The following CDH12 variants were observed in gnomAD, a reference collection of about 807,000 sequenced individuals.
The protein encoded by CDH12 is cadherin 12.
A neutral mutation model predicts 74.1 loss-of-function variants in CDH12; 41 were observed. That is an observed-to-expected ratio of 0.55 (90% CI 0.43 to 0.72). The LOEUF is 0.72. Among genes scored for constraint, CDH12 ranks in the 30% least tolerant of loss-of-function variants. The pLI is 0.00. For missense variants in CDH12, 945 were observed against 977.2 expected, an observed-to-expected ratio of 0.97 and a Z score of 0.44; for synonymous variants, 399 against 355.0, an observed-to-expected ratio of 1.12 and a Z score of -1.39.
intron 7 of CDH12, among the ~76,000 whole-genome samples, chr5:21,846,064 T>C (rs1438063232): frequency 6.6e-6 from 1 of 152,108 alleles, no homozygotes; most frequent in Non-Finnish European, 1.5e-5. Context: ...AGTAAAGAAC[T>C]AGGCAACGTG....
rs28374906 is a variant in CDH12, at chr5:21,808,723, C to A, written c.1003-6303G>T. Among the ~76,000 whole-genome samples the A allele has an allele frequency of 6.9e-3, 1,050 of 152,066 alleles. 10 individuals carry two copies. The highest frequency in any genetic ancestry group is 0.022 in the African/African-American group (914 of 41,492). Reference sequence around the variant, plus strand: ...GTTTCCTAAAACTCAGTTTTATGATCAATATAGTAGTCAATTCTTGTCTGG... The same window carrying A: ...GTTTCCTAAAACTCAGTTTTATGATAAATATAGTAGTCAATTCTTGTCTGG... On this transcript the variant is annotated intron_variant, in intron 9 of 14. Transcript: ENST00000382254.
At position 22,064,036 on chromosome 5, in the gene CDH12, C is replaced by T. The variant is rs752578089; in HGVS notation, c.231+14410G>A. 7.9e-5 allele frequency among the ~76,000 whole-genome samples: 12 copies of T among 151,960 alleles called. No homozygotes were observed. In the South Asian group the frequency reaches 1.2e-3, roughly 16 times the overall value. The stretch of plus-strand genomic sequence containing the variant: ...ACACACACACAAACACACACACACA[C>T]ACAGTTGACCATTGAGCAACACAAG... On this transcript the variant is annotated intron_variant, in intron 5 of 14. Transcript: ENST00000382254.
At position 22,101,545 on chromosome 5, in the gene CDH12, T is replaced by C. The variant is rs144471232; in HGVS notation, c.-186-22683A>G. ...TTGCTTCCAGAGTTCCTGTGGACCA[T>C]AGCCAGTTTTATCTTAGGCTTCAAG... On this transcript the variant is annotated intron_variant, in intron 4 of 14. Coordinates refer to ENST00000382254, the MANE Select transcript of CDH12 (RefSeq NM_004061.5). Among the ~76,000 whole-genome samples, 1,378 of 152,294 alleles carry C rather than the reference T, an allele frequency of 9.0e-3. 12 individuals carry two copies. Among genetic ancestry groups the C allele is most frequent in the Non-Finnish European group, 0.014 (962 of 68,022 alleles).
In CDH12 at chr5:22,344,224, T is replaced by C. The variant is rs954503908; in HGVS notation, c.-333+61033A>G. ...GACTCATATATTTATAGTTACCATA[T>C]ACATTTTCAATTATTCTTGTGAGCC... On this transcript the variant is annotated intron_variant, in intron 3 of 14. Transcript: ENST00000382254. Among the ~76,000 whole-genome samples the C allele has an allele frequency of 6.6e-5, 10 of 152,336 alleles. No individual in the cohort carries two copies. In the East Asian group the frequency reaches 1.9e-3, roughly 29 times the overall value.
chr5:22,104,804 C>A (rs1489131578), intron 4 of CDH12, among the ~76,000 whole-genome samples: 1 of 152,022 alleles, frequency 6.6e-6, no homozygotes, highest in South Asian at 2.1e-4. Context: ...ATTTTTATCT[C>A]TTTTTCAGTG....
At chr5:21,962,187 AT>A (rs1756390096) in intron 6 of CDH12, among the ~76,000 whole-genome samples, 1 of 151,550 alleles carries the variant, frequency 6.6e-6, no homozygotes, top group Non-Finnish European at 1.5e-5. Context: ...TTTCTTTCCC[AT>A]TTTCTGACTC....
At chr5:22,666,428 T>A (rs2126906224) in intron 1 of CDH12, among the ~76,000 whole-genome samples, 1 of 151,354 alleles carries the variant, frequency 6.6e-6, no homozygotes, top group African/African-American at 2.4e-5. Context: ...TAGCTGGGAC[T>A]ACAGGCGCCC....
chr5:21,752,417 T>C (rs1424225291), intron 14 of CDH12, among the ~76,000 whole-genome samples, 181 bp from the exon 15 acceptor site: 1 of 152,176 alleles, frequency 6.6e-6, no homozygotes, highest in Admixed American at 6.5e-5. Context: ...AATTGTTAAC[T>C]AACAAGAAAC....
chr5:22,783,820 C>T (rs895740133), intron 1 of CDH12, among the ~76,000 whole-genome samples: 3 of 152,174 alleles, frequency 2.0e-5, no homozygotes, highest in Non-Finnish European at 4.4e-5. Context: ...AGTTGGGGCT[C>T]AAAGCGTCAT....
intron 1 of CDH12, among the ~76,000 whole-genome samples, chr5:22,611,471 T>C (rs1737395903): frequency 6.6e-6 from 1 of 152,070 alleles, no homozygotes; most frequent in Non-Finnish European, 1.5e-5. Flanking sequence ...CAAATGGTTC[T>C]CCCAGTCTCT....
intron 2 of CDH12, among the ~76,000 whole-genome samples, chr5:22,444,590 G>T (rs1270195019): frequency 1.3e-5 from 2 of 150,526 alleles, no homozygotes; most frequent in African/African-American, 2.4e-5. Flanking sequence ...TGTTTACCTG[G>T]TTTGAGGACA....
At chr5:21,775,974 A>T (rs1421810255) in intron 11 of CDH12, among the ~76,000 whole-genome samples, 1 of 152,162 alleles carries the variant, frequency 6.6e-6, no homozygotes, top group Non-Finnish European at 1.5e-5. Context: ...ACCCTCATGT[A>T]ACTCTTTTCC....
Position 22,249,709 on chromosome 5 carries a change from G to A in CDH12, c.-332-37066C>T, listed in dbSNP as rs528753694. ...TAGCAGGGCTAACCATGCTTCTGTT[G>A]TTATGATCGTCTCATGTTTAAAATT... On this transcript the variant is annotated intron_variant, in intron 3 of 14. Coordinates refer to ENST00000382254, the MANE Select transcript of CDH12 (RefSeq NM_004061.5). Among the ~76,000 whole-genome samples, 17 of 152,250 alleles carry A rather than the reference G, an allele frequency of 1.1e-4. No individual in the cohort carries two copies. In the South Asian group the frequency reaches 3.3e-3, roughly 30 times the overall value.
chr5:21,896,702 C>CA lies in CDH12; in HGVS notation c.527-41913dup, dbSNP rs568353456. ...GACAAATGATGGAAAACACGTGAAA[C>CA]AAAAAAAACTTTTTTTATCTAATGC... On this transcript the variant is annotated intron_variant, in intron 6 of 14. Coordinates refer to ENST00000382254, the MANE Select transcript of CDH12 (RefSeq NM_004061.5). Among the ~76,000 whole-genome samples, 15 of 151,808 alleles carry CA rather than the reference C, an allele frequency of 9.9e-5. No homozygotes were observed. The South Asian group carries it at 1.0e-3, about 11-fold the overall frequency.
At chr5:22,032,399 C>CT (rs1738879347) in intron 5 of CDH12, among the ~76,000 whole-genome samples, 1 of 151,806 alleles carries the variant, frequency 6.6e-6, no homozygotes. Flanking sequence ...GAGCTTGCAT[C>CT]TTAATGGAAT....
At chr5:22,568,468 C>T (rs951651857) in intron 1 of CDH12, among the ~76,000 whole-genome samples, 22 of 152,212 alleles carry the variant, frequency 1.4e-4, no homozygotes, top group African/African-American at 3.6e-4. Flanking sequence ...TAAGAAATAA[C>T]GACAATCTGA....
chr5:22,373,963 CT>C (rs2126354650), intron 3 of CDH12, among the ~76,000 whole-genome samples: 1 of 152,156 alleles, frequency 6.6e-6, no homozygotes, highest in East Asian at 1.9e-4. Flanking sequence ...TCACAAAATC[CT>C]GAATAAATAA....
rs187270870 is a variant in CDH12, at chr5:22,646,905, C to T, written c.-522-141541G>A. The stretch of plus-strand genomic sequence containing the variant: ...AAATATAAATTTTGAAAACTAGTCA[C>T]ACATTTAATTTGATATTTCAAATAA... On this transcript the variant is annotated intron_variant, in intron 1 of 14. Transcript: ENST00000382254. Among the ~76,000 whole-genome samples, 265 of 152,014 alleles carry T rather than the reference C, an allele frequency of 1.7e-3. 6 individuals are homozygous for T. The highest frequency in any genetic ancestry group is 3.2e-4 in the Non-Finnish European group (22 of 67,842).
At chr5:21,807,534 A>G (rs2149931723) in intron 9 of CDH12, among the ~76,000 whole-genome samples, 1 of 152,272 alleles carries the variant, frequency 6.6e-6, no homozygotes, top group Non-Finnish European at 1.5e-5. Flanking sequence ...TTAAGTGCCA[A>G]AAGATTTTCT....
Sources: allele counts gnomAD v4.1 joint callset (sites outside exome capture counted in the v4.1 genomes callset), GRCh38; gene constraint gnomAD v4.1.1; transcripts MANE v1.5; gene names NCBI Gene and HGNC (gene_info 2026-07-23, HGNC 2026-07-21).